KDM4B: variants seen among roughly 807,000 people sequenced by gnomAD.
KDM4B encodes the protein lysine demethylase 4B, also known as lysine-specific demethylase 4B.
KDM4B carries 32 observed loss-of-function variants against 125.2 expected under a neutral mutation model. The ratio of observed to expected loss-of-function variants is 0.26; its 90% confidence interval spans 0.19 to 0.34. The LOEUF (loss-of-function observed/expected upper bound fraction) is 0.34. Among genes scored for constraint, KDM4B ranks in the 10% least tolerant of loss-of-function variants. KDM4B has a pLI of 1.00. For synonymous variants in KDM4B, 721 were observed against 677.9 expected (o/e 1.06, Z -0.99); for missense variants, 1,190 against 1,577.7 (o/e 0.75, Z 4.16).
chr19:5,014,549 A>G (rs1360315666), intron 1 of KDM4B, among the ~76,000 whole-genome samples: 1 of 151,878 alleles, frequency 6.6e-6, no homozygotes, highest in Non-Finnish European at 1.5e-5. Context: ...TGCTGGGATT[A>G]CAGGCGTGAG....
intron 11 of KDM4B, among the ~76,000 whole-genome samples, chr19:5,122,899 T>G (rs2039386769): frequency 6.6e-6 from 1 of 152,246 alleles, no homozygotes; most frequent in Non-Finnish European, 1.5e-5. Flanking sequence ...CCCAGTCCCC[T>G]GTTGCCTGGG....
intron 6 of KDM4B, among the ~76,000 whole-genome samples, chr19:5,054,124 A>G (rs1487674900): frequency 1.3e-5 from 2 of 152,166 alleles, no homozygotes; most frequent in Non-Finnish European, 2.9e-5. Context: ...TTGCTCTGTC[A>G]TCCAGGCTGG....
chr19:5,126,217 G>T (rs567218057), intron 11 of KDM4B, among the ~76,000 whole-genome samples: 1 of 152,238 alleles, frequency 6.6e-6, no homozygotes, highest in Admixed American at 6.5e-5. Context: ...CCTGGGGGGC[G>T]GTTGAGAGGC....
chr19:5,031,678 G>A (rs1180064335), intron 2 of KDM4B, among the ~76,000 whole-genome samples: 6 of 152,238 alleles, frequency 3.9e-5, no homozygotes, highest in South Asian at 4.1e-4. Context: ...GCCAGGGGGC[G>A]ACCTCGGCTT....
At chr19:4,987,801 C>T (rs780501409) in intron 1 of KDM4B, among the ~76,000 whole-genome samples, 1 of 152,098 alleles carries the variant, frequency 6.6e-6, no homozygotes, top group African/African-American at 2.4e-5. Context: ...CTCCAGGCGT[C>T]GCCCAGGTGA....
chr19:5,091,712 G>A (rs555387636), intron 9 of KDM4B, among the ~76,000 whole-genome samples: 3 of 151,116 alleles, frequency 2.0e-5, no homozygotes, highest in Admixed American at 6.6e-5. Flanking sequence ...CGGAGCCCAG[G>A]GGGAGGGAGC....
rs1426230087 is a variant in KDM4B at position 4,971,752 on chromosome 19, A to C, written c.-109+2522A>C. On this transcript the variant is annotated intron_variant, in intron 1 of 22. Transcript: ENST00000159111. This position sits in a 1 kb window ranked among gnomAD's most constrained non-coding sequence, Gnocchi z 4.1. Reference sequence around the variant, plus strand: ...CCCAGCTCAGGGAGCAGGCAGGAGGAGGCGAGGCTGTTGAGGGCCTGAGGT... The same window carrying C: ...CCCAGCTCAGGGAGCAGGCAGGAGGCGGCGAGGCTGTTGAGGGCCTGAGGT... Among the ~76,000 whole-genome samples, 1 of 152,056 alleles carries C rather than the reference A, an allele frequency of 6.6e-6. No individual in the cohort carries two copies. Among genetic ancestry groups the C allele is most frequent in the African/African-American group, 2.4e-5 (1 of 41,358 alleles).
At chr19:5,124,800 C>T (rs1337478375) in intron 11 of KDM4B, among the ~76,000 whole-genome samples, 2 of 152,168 alleles carry the variant, frequency 1.3e-5, no homozygotes, top group South Asian at 2.1e-4. Context: ...TTCACCATGT[C>T]GGTCAGAATG....
intron 6 of KDM4B, among the ~76,000 whole-genome samples, chr19:5,049,694 G>A (rs1025773279): frequency 2.6e-5 from 4 of 152,186 alleles, no homozygotes; most frequent in African/African-American, 9.6e-5. Flanking sequence ...CCATGCCTGC[G>A]ACAGGCATAG....
chr19:5,034,893 C>A (rs183284324), intron 3 of KDM4B, among the ~76,000 whole-genome samples: 31 of 152,298 alleles, frequency 2.0e-4, no homozygotes, highest in African/African-American at 7.5e-4. Flanking sequence ...GTGCTGCGAT[C>A]ACGGCTCACT....
intron 1 of KDM4B, among the ~76,000 whole-genome samples, chr19:4,972,055 A>T (rs1327846300): frequency 6.6e-6 from 1 of 152,176 alleles, no homozygotes; most frequent in Non-Finnish European, 1.5e-5. Flanking sequence ...GGGACCTGCC[A>T]TGAGGCAGCT....
intron 1 of KDM4B, among the ~76,000 whole-genome samples, chr19:5,013,755 A>G (rs263052): frequency 8.8e-4 from 134 of 152,326 alleles, no homozygotes; most frequent in African/African-American, 3.2e-3. Flanking sequence ...TCCCATCCGC[A>G]AAGCCCCTGT....
At chr19:5,098,331 C>G (rs1272943781) in intron 9 of KDM4B, among the ~76,000 whole-genome samples, 1 of 152,204 alleles carries the variant, frequency 6.6e-6, no homozygotes, top group African/African-American at 2.4e-5. Flanking sequence ...GGATTTCAGG[C>G]ATTTTGCATG....
rs558794015 is a variant in KDM4B, at chr19:5,051,235, C to T, written c.626+3566C>T. Among the ~76,000 whole-genome samples the T allele has an allele frequency of 2.1e-3, 321 of 152,366 alleles. 2 individuals carry two copies. Among genetic ancestry groups the T allele is most frequent in the Non-Finnish European group, 3.1e-4 (21 of 68,040 alleles). ...GGTCCCAGGGCACTTCTGGGTCATT[C>T]GGATTGTGCTGTGCACCCCAAAGAA... On this transcript the variant is annotated intron_variant, in intron 6 of 22. Coordinates refer to ENST00000159111, the MANE Select transcript of KDM4B (RefSeq NM_015015.3).
Position 5,144,775 on chromosome 19 carries a change from C to G in KDM4B, c.2902-8C>G, listed in dbSNP as rs1198972489. Reference sequence around the variant, plus strand: ...CAGGACCTCACCTCCCACCTCTTCTCCCTGCAGAGTAGGGACTGTGTCCAG... The same window carrying G: ...CAGGACCTCACCTCCCACCTCTTCTGCCTGCAGAGTAGGGACTGTGTCCAG... On this transcript the variant is annotated splice_region_variant and splice_polypyrimidine_tract_variant and intron_variant, in intron 20 of 22. Coordinates refer to ENST00000159111, the MANE Select transcript of KDM4B (RefSeq NM_015015.3). 8.1e-6 allele frequency: 13 copies of G among 1,613,346 alleles called. No homozygotes were observed. The highest frequency in any genetic ancestry group is 1.1e-5 in the Non-Finnish European group (13 of 1,179,970).
At chr19:5,111,610 C>T (rs2039148118) in intron 10 of KDM4B, 1 of 716,396 alleles carries the variant, frequency 1.4e-6, no homozygotes, top group Non-Finnish European at 2.6e-6. Context: ...CTGAGCTGCC[C>T]TTGGCACAGT....
chr19:5,116,746 C>T (rs897495291), intron 10 of KDM4B, among the ~76,000 whole-genome samples: 8 of 152,262 alleles, frequency 5.3e-5, no homozygotes, highest in Middle Eastern at 3.4e-3. Flanking sequence ...GCAGGGAATG[C>T]GGCCCGAGTT....
intron 9 of KDM4B, among the ~76,000 whole-genome samples, chr19:5,088,226 G>A (rs2038569556): frequency 1.3e-5 from 2 of 152,226 alleles, no homozygotes; most frequent in African/African-American, 2.4e-5. Context: ...ACCTGCAGGG[G>A]CAGGGAGTCG....
At chr19:5,040,576 G>A (rs923531509) in intron 4 of KDM4B, among the ~76,000 whole-genome samples, 2 of 152,190 alleles carry the variant, frequency 1.3e-5, no homozygotes, top group African/African-American at 2.4e-5. Flanking sequence ...TGGCACCTGC[G>A]TGTACCGGCA....
Sources: allele counts gnomAD v4.1 joint callset (sites outside exome capture counted in the v4.1 genomes callset), GRCh38; gene constraint gnomAD v4.1.1; non-coding constraint Gnocchi (gnomAD v3.1); transcripts MANE v1.5; gene names NCBI Gene and HGNC (gene_info 2026-07-23, HGNC 2026-07-21).